The following ASTN2 variants were observed in gnomAD, a reference collection of about 807,000 sequenced individuals.
ASTN2 encodes astrotactin-2.
A neutral mutation model predicts 139.8 loss-of-function variants in ASTN2; 54 were observed. The observed-to-expected ratio is 0.39, with a 90% CI of 0.31 to 0.48. The LOEUF (loss-of-function observed/expected upper bound fraction) is 0.48, where lower values mean the gene tolerates loss of function less well. ASTN2 is among the 20% of genes least tolerant of loss of function. The probability of loss-of-function intolerance (pLI) is 0.95; values close to 1 mark genes in which losing one functional copy is unlikely to be tolerated. For synonymous variants in ASTN2, 756 were observed against 719.5 expected, an observed-to-expected ratio of 1.05 and a Z score of -0.81; for missense variants, 1,565 against 1,725.1, an observed-to-expected ratio of 0.91 and a Z score of 1.64.
At chr9:116,828,644 A>G (rs1012042878) in intron 11 of ASTN2, among the ~76,000 whole-genome samples, 3 of 152,192 alleles carry the variant, frequency 2.0e-5, no homozygotes, top group African/African-American at 4.8e-5. Flanking sequence ...TAAGAACTAG[A>G]ACAAGACAAA....
chr9:117,025,138 A>C (rs1455102189), intron 6 of ASTN2, among the ~76,000 whole-genome samples: 1 of 152,164 alleles, frequency 6.6e-6, no homozygotes, highest in Non-Finnish European at 1.5e-5. Flanking sequence ...AAAGGGATTT[A>C]GGCAAAAGGA....
intron 16 of ASTN2, among the ~76,000 whole-genome samples, chr9:116,712,734 G>C (rs1828200175): frequency 6.6e-6 from 1 of 152,190 alleles, no homozygotes; most frequent in South Asian, 2.1e-4. Flanking sequence ...TTCCTTTCTA[G>C]ACTCAACCCG....
intron 2 of ASTN2, among the ~76,000 whole-genome samples, chr9:117,290,524 C>T (rs546810714): frequency 6.6e-6 from 1 of 152,346 alleles, no homozygotes; most frequent in Non-Finnish European, 1.5e-5. Flanking sequence ...CACATCCTCT[C>T]TCTGCAAACA....
chr9:117,351,783 T>TA (rs1829398083), intron 1 of ASTN2, among the ~76,000 whole-genome samples: 1 of 152,110 alleles, frequency 6.6e-6, no homozygotes, highest in Admixed American at 6.5e-5. Flanking sequence ...CTTTAGATGC[T>TA]ATATTAGTTC....
chr9:116,465,594 A>G (rs1008042550), intron 20 of ASTN2, among the ~76,000 whole-genome samples: 1 of 152,236 alleles, frequency 6.6e-6, no homozygotes, highest in African/African-American at 2.4e-5. Flanking sequence ...ATCGTTATAC[A>G]GAAATTAAAT....
chr9:117,190,667 C>T (rs1426975264), intron 3 of ASTN2, among the ~76,000 whole-genome samples: 1 of 152,104 alleles, frequency 6.6e-6, no homozygotes, highest in Non-Finnish European at 1.5e-5. Flanking sequence ...GACCTTTATA[C>T]CTGCTGTTCC....
At chr9:116,771,126 C>A (rs1004454134) in intron 13 of ASTN2, among the ~76,000 whole-genome samples, 2 of 152,234 alleles carry the variant, frequency 1.3e-5, no homozygotes, top group East Asian at 3.8e-4. Flanking sequence ...TCAACTCAGA[C>A]ATCATCTCTT....
At chr9:116,741,526 G>A (rs1829096297) in intron 13 of ASTN2, among the ~76,000 whole-genome samples, 1 of 152,158 alleles carries the variant, frequency 6.6e-6, no homozygotes, top group Non-Finnish European at 1.5e-5. Flanking sequence ...CCAAGTGACA[G>A]GATGACTTTG....
chr9:116,567,762 C>A (rs1853308214), intron 19 of ASTN2, among the ~76,000 whole-genome samples: 1 of 152,126 alleles, frequency 6.6e-6, no homozygotes, highest in Non-Finnish European at 1.5e-5. Flanking sequence ...ACAGATCATA[C>A]TACTAGTTAT....
chr9:116,620,386 C>A lies in ASTN2; in HGVS notation c.3130G>T (p.Asp1044Tyr), dbSNP rs780288008. 1.2e-6 allele frequency: 2 copies of A among 1,614,018 alleles called. No homozygotes were observed. The highest frequency in any genetic ancestry group is 2.7e-5 in the African/African-American group (2 of 74,904). ...CTGAGGTCACACCTGCACCAGTCAT[C>A]GATCACATCCCCTTTCCCTGAGCAC... is the stretch of plus-strand genomic sequence containing the variant. ...YWCSGKGDVIDDWCRCDLSAF... is the reference protein window; with the variant it reads ...YWCSGKGDVIYDWCRCDLSAF... The change falls in exon 18 of 23, where the codon GAT (aspartate) becomes TAT (tyrosine). Residue 1044 changes from aspartate to tyrosine, a missense_variant. Around this residue, in one of 4 missense-constraint regions of ASTN2, gnomAD observed 418 missense variants for 465.8 expected, o/e 0.90. Coordinates refer to ENST00000313400, the MANE Select transcript of ASTN2 (RefSeq NM_001365068.1).
chr9:116,965,043 G>A (rs1288543811), intron 10 of ASTN2, among the ~76,000 whole-genome samples: 1 of 152,194 alleles, frequency 6.6e-6, no homozygotes, highest in Non-Finnish European at 1.5e-5. Context: ...GTTCAGAGAT[G>A]GCAAACACAT....
At chr9:116,471,642 CA>C (rs1220905880) in intron 20 of ASTN2, among the ~76,000 whole-genome samples, 3 of 151,942 alleles carry the variant, frequency 2.0e-5, no homozygotes, top group African/African-American at 7.3e-5. Context: ...ATGCTTACTG[CA>C]ATAAGAGTGA....
rs754192979 is a variant in ASTN2, at chr9:116,699,020, A to G, written c.2806+26751T>C. On this transcript the variant is annotated intron_variant, in intron 16 of 22. Coordinates refer to ENST00000313400, the MANE Select transcript of ASTN2 (RefSeq NM_001365068.1). The surrounding 1 kb of genome is among the most constrained non-coding windows in gnomAD (Gnocchi z 4.2). ...TGCTAAGCTTCCTTGGGGCAGATCTACCCAACCTCACTCCTCTCTCAGTGG... is the reference window on the plus strand; with the variant it reads ...TGCTAAGCTTCCTTGGGGCAGATCTGCCCAACCTCACTCCTCTCTCAGTGG... 2.5e-6 allele frequency: 4 copies of G among 1,613,936 alleles called. No individual in the cohort carries two copies. Among genetic ancestry groups the G allele is most frequent in the African/African-American group, 1.3e-5 (1 of 74,900 alleles).
intron 10 of ASTN2, among the ~76,000 whole-genome samples, chr9:116,960,806 C>T (rs747304517): frequency 5.3e-5 from 8 of 152,098 alleles, no homozygotes; most frequent in Non-Finnish European, 7.4e-5. Context: ...AATTTCCTCC[C>T]AAAGACCAGG....
chr9:116,647,761 A>AAACAAAACT (rs1857674549), intron 17 of ASTN2, among the ~76,000 whole-genome samples: 1 of 152,184 alleles, frequency 6.6e-6, no homozygotes, highest in South Asian at 2.1e-4. Context: ...AAGGCCAGTT[A>AAACAAAACT]AACAAAACTA....
At chr9:117,050,775 C>T (rs1838892374) in intron 5 of ASTN2, among the ~76,000 whole-genome samples, 1 of 152,030 alleles carries the variant, frequency 6.6e-6, no homozygotes, top group South Asian at 2.1e-4. Context: ...CTCTGTGCTC[C>T]CTCCTCCTCA....
At chr9:116,744,650 T>C (rs1829186042) in intron 13 of ASTN2, among the ~76,000 whole-genome samples, 1 of 152,136 alleles carries the variant, frequency 6.6e-6, no homozygotes, top group African/African-American at 2.4e-5. Context: ...ATGGGATATA[T>C]TGAGCAGGTT....
intron 2 of ASTN2, among the ~76,000 whole-genome samples, chr9:117,255,766 C>T (rs572486908): frequency 1.3e-3 from 191 of 152,196 alleles, no homozygotes; most frequent in African/African-American, 4.0e-3. Flanking sequence ...CTATTGCAAG[C>T]GATGCAGAAC....
chr9:117,353,996 A>G (rs1293607796), intron 1 of ASTN2, among the ~76,000 whole-genome samples: 1 of 152,130 alleles, frequency 6.6e-6, no homozygotes, highest in African/African-American at 2.4e-5. Context: ...TATACATTTG[A>G]CCACACAACA....
Sources: gnomAD v4.1 joint callset for allele counts (sites outside exome capture counted in the v4.1 genomes callset) on GRCh38, gnomAD v4.1.1 for gene constraint, gnomAD v4.1.1 regional missense constraint, Gnocchi (gnomAD v3.1) non-coding constraint, MANE v1.5 for transcripts, NCBI Gene and HGNC (gene_info 2026-07-23, HGNC 2026-07-21) for gene names.